Variants in SAMMSON observed in about 807,000 individuals in gnomAD.
SAMMSON encodes long intergenic non-protein coding RNA 1212.
chr3:70,399,340 G>A (rs879415708), intron 2 of SAMMSON, among the ~76,000 whole-genome samples: 2 of 152,182 alleles, frequency 1.3e-5, no homozygotes, highest in Admixed American at 6.5e-5. Context: ...AAATTGGGAA[G>A]AGGTGGGTCA....
intron 7 of SAMMSON, among the ~76,000 whole-genome samples, chr3:70,340,529 G>A (rs143507659): frequency 2.6e-4 from 39 of 152,020 alleles, no homozygotes; most frequent in African/African-American, 7.5e-4. Context: ...TAAATTGTTG[G>A]GACAAACAAT....
At chr3:70,069,948 A>G (rs1324411756) in intron 3 of SAMMSON, 1 of 152,076 alleles carries the variant, frequency 6.6e-6, no homozygotes, top group Non-Finnish European at 1.5e-5. Flanking sequence ...TTTGAAGATA[A>G]TGCTTATATC....
intron 3 of SAMMSON, among the ~76,000 whole-genome samples, chr3:70,022,426 C>CAAAAAAAAAAAAA (rs60455629): frequency 1.4e-4 from 13 of 91,126 alleles, no homozygotes; most frequent in African/African-American, 2.0e-4. Flanking sequence ...AGTATAATAA[C>CAAAAAAAAAAAAA]AAAAAAAAAA....
intron 9 of SAMMSON, among the ~76,000 whole-genome samples, chr3:70,358,658 G>C (rs1335440474): frequency 6.6e-6 from 1 of 152,064 alleles, no homozygotes; most frequent in African/African-American, 2.4e-5. Flanking sequence ...TCCTAAATAG[G>C]GGTAGAAAAT....
intron 4 of SAMMSON, chr3:70,196,885 C>T (rs1290685396): frequency 5.0e-6 from 2 of 398,186 alleles, no homozygotes; most frequent in East Asian, 3.6e-5. Flanking sequence ...AATTTCCCAC[C>T]GTGGCCAAAA....
intron 3 of SAMMSON, among the ~76,000 whole-genome samples, chr3:70,053,108 A>C (rs576659007): frequency 3.6e-4 from 55 of 152,258 alleles, no homozygotes; most frequent in African/African-American, 1.3e-3. Flanking sequence ...AGTTCCCTTC[A>C]CATATGCTTA....
intron 4 of SAMMSON, among the ~76,000 whole-genome samples, chr3:70,175,318 T>G (rs1236150326): frequency 1.3e-5 from 2 of 152,060 alleles, no homozygotes; most frequent in African/African-American, 4.8e-5. Flanking sequence ...TGTCCTTCCT[T>G]TCAGTCTGAT....
At chr3:70,398,757 T>C (rs1701113429) in intron 2 of SAMMSON, among the ~76,000 whole-genome samples, 1 of 152,236 alleles carries the variant, frequency 6.6e-6, no homozygotes, top group Non-Finnish European at 1.5e-5. Context: ...AAAATGTAAA[T>C]GCTCGATGTT....
At chr3:70,358,005 C>G (rs998252135) in intron 8 of SAMMSON, among the ~76,000 whole-genome samples, 10 of 152,106 alleles carry the variant, frequency 6.6e-5, no homozygotes, top group African/African-American at 2.4e-4. Context: ...ACCAGAAGGT[C>G]TGGTGTATCT....
At chr3:70,099,061 T>C (rs151301395) in intron 4 of SAMMSON, among the ~76,000 whole-genome samples, 331 of 152,334 alleles carry the variant, frequency 2.2e-3, no homozygotes, top group South Asian at 4.1e-3. Flanking sequence ...AGTTCATTTT[T>C]AATGCAATTT....
At chr3:70,296,035 A>G (rs1332176025) in intron 7 of SAMMSON, among the ~76,000 whole-genome samples, 1 of 152,192 alleles carries the variant, frequency 6.6e-6, no homozygotes, top group Non-Finnish European at 1.5e-5. Flanking sequence ...TTAACTTGTG[A>G]AAGACATCAC....
chr3:70,144,192 A>G (rs2067539067), intron 4 of SAMMSON, among the ~76,000 whole-genome samples: 1 of 152,156 alleles, frequency 6.6e-6, no homozygotes, highest in South Asian at 2.1e-4. Flanking sequence ...TCATTAAACA[A>G]TATGCATTAT....
At chr3:70,210,596 G>A (rs1445370399) in intron 4 of SAMMSON, among the ~76,000 whole-genome samples, 1 of 152,044 alleles carries the variant, frequency 6.6e-6, no homozygotes, top group African/African-American at 2.4e-5. Context: ...GCTCAAAGTA[G>A]AAACATAAAA....
chr3:70,384,806 A>AT (rs1237722672), intron 9 of SAMMSON, among the ~76,000 whole-genome samples: 2 of 151,884 alleles, frequency 1.3e-5, no homozygotes, highest in South Asian at 2.1e-4. Context: ...TAAAATAAGG[A>AT]TTTTTTTCGT....
At chr3:70,401,760 T>C (rs1701143572) in intron 2 of SAMMSON, among the ~76,000 whole-genome samples, 2 of 152,166 alleles carry the variant, frequency 1.3e-5, no homozygotes, top group Non-Finnish European at 2.9e-5. Context: ...CTCAAAGCAA[T>C]TTTATTAGCA....
At chr3:70,012,699 C>T (rs953306689) in intron 2 of SAMMSON, 12 of 152,056 alleles carry the variant, frequency 7.9e-5, no homozygotes, top group Non-Finnish European at 1.8e-4. Context: ...ATTCTACTAC[C>T]AAGAAGGGTC....
intron 6 of SAMMSON, among the ~76,000 whole-genome samples, chr3:70,275,380 T>C (rs577755145): frequency 1.3e-5 from 2 of 152,210 alleles, no homozygotes; most frequent in East Asian, 1.9e-4. Context: ...TTGGGTGTGG[T>C]GGCATGTGCC....
intron 4 of SAMMSON, among the ~76,000 whole-genome samples, chr3:70,176,746 C>T (rs1035981058): frequency 3.4e-4 from 51 of 152,032 alleles, no homozygotes; most frequent in African/African-American, 1.1e-3. Flanking sequence ...ATGTTAATGC[C>T]TAATGTACTT....
chr3:70,140,150 G>C (rs2067522056), intron 4 of SAMMSON: 1 of 155,574 alleles, frequency 6.4e-6, no homozygotes, highest in South Asian at 2.1e-4. Flanking sequence ...AGTCCTTCTT[G>C]ATTCTGAGGT....
Sources: allele counts gnomAD v4.1 joint callset (sites outside exome capture counted in the v4.1 genomes callset), GRCh38; gene constraint gnomAD v4.1.1; transcripts MANE v1.5; gene names NCBI Gene and HGNC (gene_info 2026-07-23, HGNC 2026-07-21).